The following SIRPB1 variants were observed in gnomAD, a reference collection of about 807,000 sequenced individuals.
The protein encoded by SIRPB1 is signal-regulatory protein beta-1.
SIRPB1 carries 28 observed loss-of-function variants against 34.1 expected under a neutral mutation model. That is an observed-to-expected ratio of 0.82 (90% CI 0.61 to 1.12). The LOEUF (loss-of-function observed/expected upper bound fraction) is 1.12. SIRPB1 is among the 50% of genes most tolerant of loss of function. The pLI, the probability that SIRPB1 is intolerant of heterozygous loss-of-function variation, is 0.00. For missense variants in SIRPB1, 499 were observed against 507.0 expected, an observed-to-expected ratio of 0.98 and a Z score of 0.15; for synonymous variants, 211 against 203.8, an observed-to-expected ratio of 1.04 and a Z score of -0.30.
rs1007716805 is a variant in SIRPB1, at chr20:1,564,737, T to A, written c.*763A>T. On this transcript the variant is annotated 3_prime_UTR_variant, in exon 6 of 6. Transcript: ENST00000381605. ...TGAAATTGGTCAGGTTGGGAGTTAT[T>A]ACACTAGAGAAATTGGCAAGCACTG... 5.1e-6 allele frequency: 2 copies of A among 395,560 alleles called. No individual in the cohort carries two copies. The highest frequency in any genetic ancestry group is 4.1e-5 in the African/African-American group (2 of 48,586). 24.5% of individuals were successfully genotyped at this position (395,560 alleles called of 1,614,324 possible).
Position 1,564,949 on chromosome 20 carries a change from G to C in SIRPB1, c.*551C>G, listed in dbSNP as rs1317015211. The C allele has an allele frequency of 1.3e-5, 5 of 398,498 alleles. No individual in the cohort carries two copies. In the East Asian group the frequency reaches 1.8e-4, roughly 14 times the overall value. 24.7% of individuals were successfully genotyped at this position (398,498 alleles called of 1,614,324 possible). On this transcript the variant is annotated 3_prime_UTR_variant, in exon 6 of 6. Coordinates refer to ENST00000381605, the MANE Select transcript of SIRPB1 (RefSeq NM_006065.5). Reference sequence around the variant, plus strand: ...AAGCAGCAGGACTGGGAAGGCTGCAGGATACTAGAAGAAATACTGTCTCCA... The same window carrying C: ...AAGCAGCAGGACTGGGAAGGCTGCACGATACTAGAAGAAATACTGTCTCCA...
In SIRPB1 at chr20:1,565,221, A is replaced by C. The variant is rs2091111841; in HGVS notation, c.*279T>G. On this transcript the variant is annotated 3_prime_UTR_variant, in exon 6 of 6. Transcript: ENST00000381605. ...CCAGTCCCAAGGCGACGGATGGGAGAAGTCCTGGTGTGTTTAGATTTGGAG... is the reference window on the plus strand; with the variant it reads ...CCAGTCCCAAGGCGACGGATGGGAGCAGTCCTGGTGTGTTTAGATTTGGAG... The C allele has an allele frequency of 2.5e-6, 1 of 394,100 alleles. No homozygotes were observed. The highest frequency in any genetic ancestry group is 4.4e-5 in the Admixed American group (1 of 22,544). The allele number at this position is 394,100 out of a possible 1,614,324, so 24.4% of individuals were successfully genotyped here. A position where few individuals can be genotyped will look rare whatever the true frequency, so the allele number is the denominator to read the frequency against.
intron 2 of SIRPB1, among the ~76,000 whole-genome samples, chr20:1,573,983 C>T (rs2091277881): frequency 1.5e-5 from 2 of 129,720 alleles, no homozygotes; most frequent in Non-Finnish European, 3.4e-5. Context: ...AAGGCTCAAA[C>T]CCTACTCACC....
rs1340317260 is a variant in SIRPB1 at position 1,563,139 on chromosome 20, A to G, written c.*2361T>C. 1.3e-5 allele frequency among the ~76,000 whole-genome samples: 2 copies of G among 152,220 alleles called. No homozygotes were observed. The highest frequency in any genetic ancestry group is 2.9e-5 in the Non-Finnish European group (2 of 68,038). On this transcript the variant is annotated 3_prime_UTR_variant, in exon 6 of 6. Coordinates refer to ENST00000381605, the MANE Select transcript of SIRPB1 (RefSeq NM_006065.5). ...TTCCACAATATTGAAAATTCAAGGG[A>G]TAAGATGTTGGAAGCTAGTCCAAAC...
At chr20:1,613,610 C>T (rs569601573) in intron 1 of SIRPB1, among the ~76,000 whole-genome samples, 4 of 151,958 alleles carry the variant, frequency 2.6e-5, no homozygotes, top group Non-Finnish European at 5.9e-5. Context: ...TAGAGGGGTC[C>T]CCCAGTGGGT....
At chr20:1,572,455 G>C (rs1235468017) in intron 2 of SIRPB1, among the ~76,000 whole-genome samples, 1 of 151,392 alleles carries the variant, frequency 6.6e-6, no homozygotes, top group Non-Finnish European at 1.5e-5. Flanking sequence ...TGGCACCACC[G>C]TGAGAGCTGC....
intron 1 of SIRPB1, among the ~76,000 whole-genome samples, chr20:1,610,595 G>T (rs141413747): frequency 0.35 from 24,873 of 70,908 alleles, 10,805 homozygotes; most frequent in Middle Eastern, 0.6. Context: ...TTCCTGAGGT[G>T]AGGGACATTC....
At chr20:1,619,780 C>G (rs1434237282) in intron 1 of SIRPB1, 89 bp downstream of exon 1, 1 of 976,902 alleles carries the variant, frequency 1.0e-6, no homozygotes, top group Non-Finnish European at 1.6e-6. Context: ...CTTGGCAGCA[C>G]TTGTCATTGT....
intron 4 of SIRPB1, among the ~76,000 whole-genome samples, chr20:1,567,465 A>T (rs1281509401): frequency 6.6e-6 from 1 of 152,118 alleles, no homozygotes; most frequent in Admixed American, 6.5e-5. Context: ...AGGCATGTTG[A>T]CCCTGACAGC....
chr20:1,576,845 ACTAT>A (rs1678341472), intron 2 of SIRPB1, among the ~76,000 whole-genome samples: 1 of 148,634 alleles, frequency 6.7e-6, no homozygotes, highest in South Asian at 2.1e-4. Context: ...ATGAAAACAC[ACTAT>A]CCTCTGACCT....
intron 2 of SIRPB1, 113 bp downstream of exon 2, chr20:1,578,225 A>C: frequency 8.6e-7 from 1 of 1,168,024 alleles, no homozygotes; most frequent in Non-Finnish European, 1.3e-6. Flanking sequence ...CAGTTCATGA[A>C]AGGGTGGCTG....
At chr20:1,577,502 A>G (rs2122219928) in intron 2 of SIRPB1, among the ~76,000 whole-genome samples, 2 of 147,556 alleles carry the variant, frequency 1.4e-5, no homozygotes, top group South Asian at 4.3e-4. Context: ...AACCCCACAT[A>G]AGCATTGTTG....
In SIRPB1 at chr20:1,610,520, C is replaced by T. The variant is rs2091553554; in HGVS notation, c.76+9349G>A. On this transcript the variant is annotated intron_variant, in intron 1 of 5. Transcript: ENST00000381605. Reference sequence around the variant, plus strand: ...AAGCTCTTGGGCCTCTGGGAGGAAACCCCAGATAAGCATTGTTGCAGCCTT... The same window carrying T: ...AAGCTCTTGGGCCTCTGGGAGGAAATCCCAGATAAGCATTGTTGCAGCCTT... Among the ~76,000 whole-genome samples, 2 of 72,266 alleles carry T rather than the reference C, an allele frequency of 2.8e-5. 1 individual carries two copies. Among genetic ancestry groups the T allele is most frequent in the Non-Finnish European group, 5.2e-5 (2 of 38,504 alleles). The allele number at this position is 72,266 out of a possible 152,430, so 47.4% of individuals were successfully genotyped here. A position where few individuals can be genotyped will look rare whatever the true frequency, so the allele number is the denominator to read the frequency against.
chr20:1,561,690 C>A lies in SIRPB1; in HGVS notation c.*3810G>T, dbSNP rs766970097. Among the ~76,000 whole-genome samples, 2 of 152,184 alleles carry A rather than the reference C, an allele frequency of 1.3e-5. No homozygotes were observed. The highest frequency in any genetic ancestry group is 2.9e-5 in the Non-Finnish European group (2 of 68,032). ...AGGAAAAGTGTCATCTTCATCACAT[C>A]ATATTAAAGGTACATATTAGTGACA... On this transcript the variant is annotated 3_prime_UTR_variant, in exon 6 of 6. Coordinates refer to ENST00000381605, the MANE Select transcript of SIRPB1 (RefSeq NM_006065.5).
intron 1 of SIRPB1, among the ~76,000 whole-genome samples, chr20:1,619,598 T>C (rs1471600036): frequency 1.3e-5 from 2 of 152,232 alleles, no homozygotes; most frequent in Non-Finnish European, 2.9e-5. Flanking sequence ...ATTTAGATAA[T>C]GATTCTTCTC....
At position 1,565,129 on chromosome 20, in the gene SIRPB1, T is replaced by G. The variant is rs899295911; in HGVS notation, c.*371A>C. 9 of 398,140 alleles carry G rather than the reference T, an allele frequency of 2.3e-5. No homozygotes were observed. Among genetic ancestry groups the G allele is most frequent in the Admixed American group, 4.4e-5 (1 of 22,696 alleles). The allele number at this position is 398,140 out of a possible 1,614,324, so 24.7% of individuals were successfully genotyped here. On this transcript the variant is annotated 3_prime_UTR_variant, in exon 6 of 6. Coordinates refer to ENST00000381605, the MANE Select transcript of SIRPB1 (RefSeq NM_006065.5). ...AGAACCTCAACAAGGCTGGGGGAGT[T>G]GGGGTAGGCAGGAATCCAGAAGACA...
chr20:1,597,600 C>T (rs1325704188), intron 1 of SIRPB1: 1 of 78,558 alleles, frequency 1.3e-5, no homozygotes, highest in African/African-American at 1.3e-4. Flanking sequence ...ATGACCCAAA[C>T]ACCTCCCACC....
At chr20:1,572,535 C>T (rs979448993) in intron 2 of SIRPB1, among the ~76,000 whole-genome samples, 57 of 150,944 alleles carry the variant, frequency 3.8e-4, no homozygotes, top group Non-Finnish European at 5.3e-4. Context: ...AACAGGAGGA[C>T]GGAGGACGGC....
chr20:1,564,665 T>C lies in SIRPB1; in HGVS notation c.*835A>G, dbSNP rs1030048134. 1 of 358,240 alleles carries C rather than the reference T, an allele frequency of 2.8e-6. No homozygotes were observed. Among genetic ancestry groups the C allele is most frequent in the Non-Finnish European group, 5.0e-6 (1 of 200,914 alleles). The allele number at this position is 358,240 out of a possible 1,614,324, so 22.2% of individuals were successfully genotyped here. On this transcript the variant is annotated 3_prime_UTR_variant, in exon 6 of 6. Coordinates refer to ENST00000381605, the MANE Select transcript of SIRPB1 (RefSeq NM_006065.5). ...TGGACTGGGCCCTGAAAACCAATTGTTAAATTTCAGGAATCTTGCAATCTG... is the reference window on the plus strand; with the variant it reads ...TGGACTGGGCCCTGAAAACCAATTGCTAAATTTCAGGAATCTTGCAATCTG...
Sources: gnomAD v4.1 joint callset for allele counts (sites outside exome capture counted in the v4.1 genomes callset) on GRCh38, gnomAD v4.1.1 for gene constraint, MANE v1.5 for transcripts, NCBI Gene and HGNC (gene_info 2026-07-23, HGNC 2026-07-21) for gene names.